NEMF: variants seen among roughly 807,000 people sequenced by gnomAD.
NEMF encodes ribosome quality control complex subunit NEMF.
Under a neutral mutation model 162.2 loss-of-function variants are expected in NEMF, and 89 were observed. The observed-to-expected ratio is 0.55, with a 90% confidence interval of 0.46 to 0.65. NEMF has a LOEUF of 0.65. Among genes scored for constraint, NEMF ranks in the 30% least tolerant of loss-of-function variants. NEMF has a pLI of 0.00. For missense variants in NEMF, 1,133 were observed against 1,261.9 expected (o/e 0.90, Z 1.55); for synonymous variants, 421 against 404.5 (o/e 1.04, Z -0.49).
intron 18 of NEMF, among the ~76,000 whole-genome samples, chr14:49,807,790 G>A (rs948602787): frequency 6.6e-6 from 1 of 151,576 alleles, no homozygotes; most frequent in African/African-American, 2.4e-5. Flanking sequence ...TTTTACTAGG[G>A]ATGGGGTTTC....
chr14:49,831,183 G>A (rs1349585902), intron 11 of NEMF, 116 bp downstream of exon 11: 1 of 627,414 alleles, frequency 1.6e-6, no homozygotes, highest in African/African-American at 1.9e-5. Context: ...AGGCAGGTCA[G>A]AGAGTTCCCA....
chr14:49,786,834 C>A (rs1890201184), intron 28 of NEMF, 84 bp from the exon 29 acceptor site: 1 of 1,268,544 alleles, frequency 7.9e-7, no homozygotes, highest in Admixed American at 1.8e-5. Context: ...GAGAAAGAAA[C>A]AGTGATACAA....
chr14:49,838,806 A>G (rs184132080), intron 5 of NEMF, among the ~76,000 whole-genome samples: 163 of 152,148 alleles, frequency 1.1e-3, no homozygotes, highest in East Asian at 5.0e-3. Flanking sequence ...GGATGGTCTC[A>G]ATCTCCTGAC....
At chr14:49,801,959 T>C (rs1382446623) in intron 22 of NEMF, among the ~76,000 whole-genome samples, 1 of 151,982 alleles carries the variant, frequency 6.6e-6, no homozygotes, top group Non-Finnish European at 1.5e-5. Flanking sequence ...AAATACTTTT[T>C]TTTTTTTTTT....
chr14:49,829,717 G>A (rs938795028), intron 11 of NEMF, among the ~76,000 whole-genome samples: 3 of 152,186 alleles, frequency 2.0e-5, no homozygotes, highest in African/African-American at 7.2e-5. Context: ...CAAACAGGCA[G>A]AAATCAAGAC....
At chr14:49,788,711 C>A (rs1054890153) in intron 28 of NEMF, among the ~76,000 whole-genome samples, 2 of 152,048 alleles carry the variant, frequency 1.3e-5, no homozygotes, top group Admixed American at 1.3e-4. Flanking sequence ...CTCACCACCA[C>A]ACCCGGCTAA....
Position 49,840,740 on chromosome 14 carries a change from C to G in NEMF, c.484G>C (p.Glu162Gln). 2 of 1,612,420 alleles carry G rather than the reference C, an allele frequency of 1.2e-6. No individual in the cohort carries two copies. The highest frequency in any genetic ancestry group is 1.7e-6 in the Non-Finnish European group (2 of 1,179,540). ...RYPLDHARAA[E>Q]PLLTLERLTE... ...TACCTTTCCAAAGTAAGCAAAGGTT[C>G]AGCAGCTCTAGCATGATCAAGTGGA... The change falls in exon 5 of 33, where the codon GAA becomes CAA. Residue 162 changes from glutamate (E) to glutamine (Q), a missense_variant. By Grantham distance (29) the Glu-to-Gln change is conservative. Transcript: ENST00000298310.
intron 18 of NEMF, among the ~76,000 whole-genome samples, chr14:49,807,421 A>G (rs984219711): frequency 1.3e-5 from 2 of 152,158 alleles, no homozygotes; most frequent in South Asian, 2.1e-4. Context: ...TGCTGGGTCA[A>G]TTATGTTTAA....
chr14:49,806,254 A>ATTT (rs1382049259), intron 18 of NEMF, 121 bp from the exon 19 acceptor site: 3 of 16,558 alleles, frequency 1.8e-4, no homozygotes, highest in African/African-American at 6.3e-4. Flanking sequence ...ATATATATAT[A>ATTT]TATTTTTTTT....
intron 18 of NEMF, among the ~76,000 whole-genome samples, chr14:49,808,920 A>C (rs772557644): frequency 6.6e-6 from 1 of 152,226 alleles, no homozygotes; most frequent in African/African-American, 2.4e-5. Flanking sequence ...TCTAATAAGC[A>C]TATGAAAAGA....
chr14:49,820,677 G>A (rs1891961947), intron 16 of NEMF, among the ~76,000 whole-genome samples: 1 of 152,100 alleles, frequency 6.6e-6, no homozygotes, highest in Admixed American at 6.5e-5. Flanking sequence ...AGCCAAAGCT[G>A]GACTGTGCTG....
chr14:49,816,913 T>C lies in NEMF; in HGVS notation c.1578-2056A>G, dbSNP rs374926351. On this transcript the variant is annotated intron_variant, in intron 16 of 32. Transcript: ENST00000298310. ...GTATAGCCAACAAGTCAATAAAAAG[T>C]AGTCAATCAAAAGAAGGCAATAATG... Among the ~76,000 whole-genome samples, 4 of 152,104 alleles carry C rather than the reference T, an allele frequency of 2.6e-5. No individual in the cohort carries two copies. The East Asian group carries it at 5.8e-4, about 22-fold the overall frequency.
rs780602247 is a variant in NEMF, at chr14:49,799,497, G to A, written c.2443C>T (p.His815Tyr). Residue 815 changes from histidine (H) to tyrosine (Y), a missense_variant, in exon 25 of 33, where the codon CAT (histidine) becomes TAT (tyrosine). This residue lies in a region of NEMF where 532 missense variants were observed against 578.6 expected (regional missense o/e 0.92). Coordinates refer to ENST00000298310, the MANE Select transcript of NEMF (RefSeq NM_004713.6). Reference sequence around the variant, plus strand: ...TACCTTCTTTCCTTGGCTGACAAATGTCTCCGGCTCTGTGATTTACTGTCA... The same window carrying A: ...TACCTTCTTTCCTTGGCTGACAAATATCTCCGGCTCTGTGATTTACTGTCA... ...SSDSKSQSRR[H>Y]LSAKERREMK... The A allele has an allele frequency of 6.2e-7, 1 of 1,611,258 alleles. No individual in the cohort carries two copies. The highest frequency in any genetic ancestry group is 8.5e-7 in the Non-Finnish European group (1 of 1,179,274).
At chr14:49,827,471 AC>A (rs1164774598) in intron 15 of NEMF, among the ~76,000 whole-genome samples, 2 of 152,086 alleles carry the variant, frequency 1.3e-5, no homozygotes, top group Non-Finnish European at 2.9e-5. Flanking sequence ...ACAGGCGTCA[AC>A]CACCACACCC....
intron 8 of NEMF, 118 bp from the exon 9 acceptor site, chr14:49,832,395 A>G: frequency 3.5e-5 from 23 of 653,404 alleles, no homozygotes; most frequent in Non-Finnish European, 5.1e-5. Flanking sequence ...GCAGTGGTAT[A>G]TTCTCGGCTC....
intron 18 of NEMF, among the ~76,000 whole-genome samples, chr14:49,812,744 AT>A (rs1891537038): frequency 6.6e-6 from 1 of 151,756 alleles, no homozygotes; most frequent in East Asian, 1.9e-4. Flanking sequence ...ATTTCACCCC[AT>A]TATAGTCAGA....
chr14:49,827,727 C>T (rs1051683215), intron 15 of NEMF, among the ~76,000 whole-genome samples: 1 of 151,950 alleles, frequency 6.6e-6, no homozygotes. Flanking sequence ...GTGGGAGAAT[C>T]GCTTGAACCT....
intron 18 of NEMF, among the ~76,000 whole-genome samples, chr14:49,813,528 ATC>A (rs1216766147): frequency 6.6e-6 from 1 of 152,148 alleles, no homozygotes; most frequent in Non-Finnish European, 1.5e-5. Context: ...TTGTAGAACT[ATC>A]TCTCTCTCCC....
chr14:49,812,593 T>C (rs1050340363), intron 18 of NEMF, among the ~76,000 whole-genome samples: 1 of 152,208 alleles, frequency 6.6e-6, no homozygotes, highest in African/African-American at 2.4e-5. Flanking sequence ...TTTGACACAC[T>C]GTATTTTCAT....
Sources: gnomAD v4.1 joint callset for allele counts (sites outside exome capture counted in the v4.1 genomes callset) on GRCh38, gnomAD v4.1.1 for gene constraint, gnomAD v4.1.1 regional missense constraint, MANE v1.5 for transcripts, NCBI Gene and HGNC (gene_info 2026-07-23, HGNC 2026-07-21) for gene names.